The following ATXN10 variants were observed in gnomAD, a reference collection of about 807,000 sequenced individuals.
ATXN10 encodes the protein ataxin-10.
In ATXN10, 28 loss-of-function variants were observed where a neutral mutation model predicts 52.9. That is an observed-to-expected ratio of 0.53 (90% CI 0.39 to 0.73). The LOEUF (loss-of-function observed/expected upper bound fraction) is 0.73. Among genes scored for constraint, ATXN10 ranks in the 30% least tolerant of loss-of-function variants. The pLI is 0.00. For synonymous variants in ATXN10, 226 were observed against 221.5 expected (o/e 1.02, Z -0.18); for missense variants, 565 against 577.0 (o/e 0.98, Z 0.21).
intron 9 of ATXN10, among the ~76,000 whole-genome samples, chr22:45,782,787 CTCT>C (rs1168089371): frequency 6.6e-6 from 1 of 152,204 alleles, no homozygotes. Flanking sequence ...ATACAGTCAT[CTCT>C]TCTTATCCAT....
rs964614550 is a variant in ATXN10, at chr22:45,671,916, C to G, written c.-148C>G. 1 of 852,054 alleles carries G rather than the reference C, an allele frequency of 1.2e-6. No homozygotes were observed. The highest frequency in any genetic ancestry group is 1.7e-6 in the Non-Finnish European group (1 of 572,332). The allele number at this position is 852,054 out of a possible 1,614,324, so 52.8% of individuals were successfully genotyped here. ...CGGCGCAGCTTCAGGGCAGCGCGGGCTGCAGCGGCGGCGGCGGTTAGGGCT... is the reference window on the plus strand; with the variant it reads ...CGGCGCAGCTTCAGGGCAGCGCGGGGTGCAGCGGCGGCGGCGGTTAGGGCT... On this transcript the variant is annotated 5_prime_UTR_variant, in exon 1 of 12. Coordinates refer to ENST00000252934, the MANE Select transcript of ATXN10 (RefSeq NM_013236.4).
At position 45,718,526 on chromosome 22, in the gene ATXN10, T is replaced by C. The variant is rs1485457017; in HGVS notation, c.728+33T>C. 1 of 1,551,646 alleles carries C rather than the reference T, an allele frequency of 6.4e-7. No individual in the cohort carries two copies. The highest frequency in any genetic ancestry group is 8.9e-7 in the Non-Finnish European group (1 of 1,123,390). ...CCCAACCAGCGTGGTCTGGAGTATT[T>C]AGCATTCCATATAGGGTATTCGATG... On this transcript the variant is annotated intron_variant, in intron 6 of 11. Coordinates refer to ENST00000252934, the MANE Select transcript of ATXN10 (RefSeq NM_013236.4). This position sits in a 1 kb window ranked among gnomAD's most constrained non-coding sequence, Gnocchi z 4.4.
intron 9 of ATXN10, among the ~76,000 whole-genome samples, chr22:45,743,943 AG>A (rs1050385540): frequency 1.3e-5 from 2 of 152,042 alleles, no homozygotes; most frequent in Non-Finnish European, 2.9e-5. Context: ...GTTGGAGAAA[AG>A]GGTTTAAAAT....
chr22:45,813,229 G>A (rs111727005), intron 10 of ATXN10, among the ~76,000 whole-genome samples: 3 of 151,442 alleles, frequency 2.0e-5, no homozygotes, highest in Non-Finnish European at 4.4e-5. Context: ...GGGATTTTTT[G>A]TTGTTGTTGT....
intron 9 of ATXN10, among the ~76,000 whole-genome samples, chr22:45,777,165 G>C (rs1926988123): frequency 6.6e-6 from 1 of 152,188 alleles, no homozygotes; most frequent in Non-Finnish European, 1.5e-5. Flanking sequence ...AGATGGATCA[G>C]CCTTAGGGAG....
chr22:45,713,513 C>T (rs949683478), intron 5 of ATXN10, among the ~76,000 whole-genome samples: 7 of 152,146 alleles, frequency 4.6e-5, no homozygotes, highest in African/African-American at 4.8e-5. Context: ...GACCGTTCCT[C>T]GTCCTTAAAG....
intron 9 of ATXN10, among the ~76,000 whole-genome samples, chr22:45,777,739 C>T (rs541576089): frequency 3.3e-5 from 5 of 152,356 alleles, no homozygotes; most frequent in South Asian, 2.1e-4. Flanking sequence ...CGCACCCCTC[C>T]GCACCTGCCT....
intron 10 of ATXN10, among the ~76,000 whole-genome samples, chr22:45,829,947 C>G (rs1325011991): frequency 6.6e-6 from 1 of 152,154 alleles, no homozygotes; most frequent in East Asian, 1.9e-4. Context: ...CTGGAAGACT[C>G]ACACTTCCTG....
chr22:45,725,700 T>C (rs1472050128), intron 6 of ATXN10, among the ~76,000 whole-genome samples: 1 of 152,208 alleles, frequency 6.6e-6, no homozygotes, highest in East Asian at 1.9e-4. Context: ...TCCAGTGTTA[T>C]ACTGAATAGA....
intron 1 of ATXN10, chr22:45,673,785 G>C (rs78964867): frequency 1.3e-5 from 2 of 152,114 alleles, no homozygotes; most frequent in Non-Finnish European, 2.9e-5. Context: ...TCAGGTGCTC[G>C]GTTATAGATG....
chr22:45,761,310 A>C (rs948109409), intron 9 of ATXN10, among the ~76,000 whole-genome samples: 2 of 152,070 alleles, frequency 1.3e-5, no homozygotes, highest in Non-Finnish European at 2.9e-5. Context: ...TACCATCTAA[A>C]ACACTACAAG....
intron 3 of ATXN10, among the ~76,000 whole-genome samples, chr22:45,693,432 G>A (rs1923463812): frequency 6.6e-6 from 1 of 152,098 alleles, no homozygotes; most frequent in Non-Finnish European, 1.5e-5. Flanking sequence ...GGCTGCTCTC[G>A]TCTTCATAGA....
intron 5 of ATXN10, among the ~76,000 whole-genome samples, chr22:45,713,817 C>T (rs775124074): frequency 7.9e-5 from 12 of 152,026 alleles, no homozygotes; most frequent in Non-Finnish European, 1.3e-4. Context: ...TTTCCATATT[C>T]CTATATAAAG....
Position 45,784,543 on chromosome 22 carries a change from G to A in ATXN10, c.1174-22416G>A, listed in dbSNP as rs1315001754. ...TAACAGTGGGGCTTCCACATGTCTT[G>A]CCTTGGAGGTCTGTGCTAGGCTGTC... On this transcript the variant is annotated intron_variant, in intron 9 of 11. Transcript: ENST00000252934. This position sits in a 1 kb window ranked among gnomAD's most constrained non-coding sequence, Gnocchi z 4.2. 1.3e-5 allele frequency among the ~76,000 whole-genome samples: 2 copies of A among 152,164 alleles called. No homozygotes were observed. Among genetic ancestry groups the A allele is most frequent in the Admixed American group, 1.3e-4 (2 of 15,284 alleles).
In ATXN10 at chr22:45,690,216, T is replaced by G. The variant is rs1231683739; in HGVS notation, c.308+313T>G. Among the ~76,000 whole-genome samples the G allele has an allele frequency of 6.6e-6, 1 of 151,486 alleles. No individual in the cohort carries two copies. The highest frequency in any genetic ancestry group is 1.5e-5 in the Non-Finnish European group (1 of 67,948). ...GCTTGGGCCAGGGAGAGGCAGAGGT[T>G]GCAGTAATCTGAGATGATGCCATTG... On this transcript the variant is annotated intron_variant, in intron 2 of 11. Transcript: ENST00000252934. This position sits in a 1 kb window ranked among gnomAD's most constrained non-coding sequence, Gnocchi z 4.5.
At chr22:45,700,059 G>A (rs539353176) in intron 3 of ATXN10, among the ~76,000 whole-genome samples, 151 of 151,940 alleles carry the variant, frequency 9.9e-4, no homozygotes, top group African/African-American at 3.5e-3. Context: ...TGATCCACCC[G>A]CCTTGGCCTC....
chr22:45,693,896 A>C (rs566214653), intron 3 of ATXN10, among the ~76,000 whole-genome samples: 1 of 152,296 alleles, frequency 6.6e-6, no homozygotes, highest in Non-Finnish European at 1.5e-5. Flanking sequence ...TTGGACCTCC[A>C]GCCACCAGAA....
chr22:45,723,825 G>A (rs892497771), intron 6 of ATXN10, among the ~76,000 whole-genome samples: 3 of 151,902 alleles, frequency 2.0e-5, no homozygotes, highest in Non-Finnish European at 2.9e-5. Context: ...GCGTGGTGGC[G>A]CTTGCCTGTT....
intron 9 of ATXN10, among the ~76,000 whole-genome samples, chr22:45,779,348 C>T (rs1420287754): frequency 6.6e-6 from 1 of 152,182 alleles, no homozygotes; most frequent in Admixed American, 6.5e-5. Context: ...CACATAGTCA[C>T]TGAAGGCACT....
Sources: allele counts gnomAD v4.1 joint callset (sites outside exome capture counted in the v4.1 genomes callset), GRCh38; gene constraint gnomAD v4.1.1; non-coding constraint Gnocchi (gnomAD v3.1); transcripts MANE v1.5; gene names NCBI Gene and HGNC (gene_info 2026-07-23, HGNC 2026-07-21).